The following SLC19A3 variants were observed in gnomAD, a reference collection of about 807,000 sequenced individuals.
SLC19A3 encodes thiamine transporter 2.
A neutral mutation model predicts 40.2 loss-of-function variants in SLC19A3; 31 were observed. The ratio of observed to expected loss-of-function variants is 0.77; its 90% CI spans 0.58 to 1.04. The LOEUF (loss-of-function observed/expected upper bound fraction) is 1.04. Ranked by LOEUF, SLC19A3 falls within the 50% of genes least tolerant of loss-of-function variation. The pLI is 0.00. For synonymous variants in SLC19A3, 212 were observed against 227.5 expected (o/e 0.93, Z 0.61); for missense variants, 592 against 596.7 (o/e 0.99, Z 0.08).
chr2:227,715,928 G>A (rs1330397058), intron 1 of SLC19A3, among the ~76,000 whole-genome samples: 1 of 126,550 alleles, frequency 7.9e-6, no homozygotes, highest in African/African-American at 3.1e-5. Context: ...TCCAGCCTGG[G>A]CAACAAGAGC....
At chr2:227,701,393 G>A (rs1363185629) in intron 2 of SLC19A3, 3 of 179,750 alleles carry the variant, frequency 1.7e-5, no homozygotes, top group Admixed American at 5.8e-5. Flanking sequence ...AGGCCGAGGC[G>A]GGTGGATCTC....
Position 227,698,999 on chromosome 2 carries a change from CTGAG to C in SLC19A3, c.712_715del (p.Leu238AlafsTer6). Reference sequence around the variant, plus strand: ...GCCCTTATTCAGCTTCCCTGAAGTGCTGAGTATTTCTGATGTGGGTTTCTGCTCT... The same window carrying C: ...GCCCTTATTCAGCTTCCCTGAAGTGCTATTTCTGATGTGGGTTTCTGCTCT... On this transcript the variant is annotated frameshift_variant, in exon 3 of 6. Coordinates refer to ENST00000644224, the MANE Select transcript of SLC19A3 (RefSeq NM_025243.4). LOFTEE classifies it high-confidence loss of function. 1 of 1,614,250 alleles carries C rather than the reference CTGAG, an allele frequency of 6.2e-7. No individual in the cohort carries two copies. Among genetic ancestry groups the C allele is most frequent in the Non-Finnish European group, 8.5e-7 (1 of 1,180,046 alleles).
Position 227,685,657 on chromosome 2 carries a change from C to G in SLC19A3, c.*1740G>C, listed in dbSNP as rs12105323. On this transcript the variant is annotated 3_prime_UTR_variant, in exon 6 of 6. Transcript: ENST00000644224. ...CATACCCCTACCCTCAAATTAACCT[C>G]TCACTTCAGCCTCCCAAAATGCTGG... is the stretch of plus-strand genomic sequence containing the variant. 11,266 of 152,430 alleles carry G rather than the reference C, an allele frequency of 0.074. 1,185 individuals are homozygous for G. Among genetic ancestry groups the G allele is most frequent in the African/African-American group, 0.24 (9,857 of 41,492 alleles). The allele number at this position is 152,430 out of a possible 1,614,324, so 9.4% of individuals were successfully genotyped here. A position where few individuals can be genotyped will look rare whatever the true frequency, so the allele number is the denominator to read the frequency against.
chr2:227,707,939 G>T (rs867018778), intron 1 of SLC19A3, among the ~76,000 whole-genome samples: 1 of 152,180 alleles, frequency 6.6e-6, no homozygotes, highest in Non-Finnish European at 1.5e-5. Flanking sequence ...ATGTTGGCCA[G>T]GCTGGTGTTG....
rs1695548707 is a variant in SLC19A3 at position 227,698,824 on chromosome 2, G to C, written c.891C>G (p.Asn297Lys). Residue 297 changes from asparagine (N) to lysine (K), a missense_variant, in exon 3 of 6, where the codon AAC becomes AAG. By Grantham distance (94) the Asn-to-Lys change is moderately conservative. Coordinates refer to ENST00000644224, the MANE Select transcript of SLC19A3 (RefSeq NM_025243.4). ...FATAGFNQVLNYVQILWDYKA... is the reference protein window; with the variant it reads ...FATAGFNQVLKYVQILWDYKA... ...TGTAATCCCACAGGATTTGAACATAGTTCAAAACCTGGTTAAAACCTGCTG... is the reference window on the plus strand; with the variant it reads ...TGTAATCCCACAGGATTTGAACATACTTCAAAACCTGGTTAAAACCTGCTG... The C allele has an allele frequency of 1.2e-6, 2 of 1,614,094 alleles. No homozygotes were observed. Among genetic ancestry groups the C allele is most frequent in the Non-Finnish European group, 1.7e-6 (2 of 1,180,054 alleles).
intron 1 of SLC19A3, among the ~76,000 whole-genome samples, chr2:227,708,630 A>C (rs1251238044): frequency 1.3e-5 from 2 of 152,174 alleles, no homozygotes; most frequent in Admixed American, 1.3e-4. Flanking sequence ...AACTGGCTGC[A>C]GGCTAACCTT....
chr2:227,708,849 T>G (rs1468148764), intron 1 of SLC19A3, among the ~76,000 whole-genome samples: 1 of 152,140 alleles, frequency 6.6e-6, no homozygotes, highest in African/African-American at 2.4e-5. Context: ...TCATTTGGAG[T>G]GAGTTACAAA....
At chr2:227,716,870 TATAAG>T (rs1430155132) in intron 1 of SLC19A3, among the ~76,000 whole-genome samples, 3 of 152,118 alleles carry the variant, frequency 2.0e-5, no homozygotes, top group Non-Finnish European at 2.9e-5. Context: ...AGGATAATCT[TATAAG>T]ATATTTGGGA....
intron 4 of SLC19A3, among the ~76,000 whole-genome samples, chr2:227,693,120 A>AT (rs1362237150): frequency 6.6e-6 from 1 of 152,178 alleles, no homozygotes; most frequent in East Asian, 1.9e-4. Flanking sequence ...TGCCCATACT[A>AT]TCCAAAGCAA....
chr2:227,709,999 A>G (rs1456828114), intron 1 of SLC19A3, among the ~76,000 whole-genome samples: 1 of 152,140 alleles, frequency 6.6e-6, no homozygotes, highest in Non-Finnish European at 1.5e-5. Context: ...ATCAGGCATT[A>G]GATTCTCACA....
Position 227,710,554 on chromosome 2 carries a change from G to A in SLC19A3, c.-3+7389C>T, listed in dbSNP as rs77366640. Among the ~76,000 whole-genome samples the A allele has an allele frequency of 1.8e-3, 274 of 152,048 alleles. 1 individual carries two copies. The highest frequency in any genetic ancestry group is 6.1e-3 in the African/African-American group (254 of 41,492). ...GTACTAAAAATATAAAAATTAGCCA[G>A]TTCAAGACCCGCCTGGGCAACATAG... On this transcript the variant is annotated intron_variant, in intron 1 of 5. Transcript: ENST00000644224.
intron 1 of SLC19A3, chr2:227,706,535 C>T: frequency 9.0e-7 from 1 of 1,110,016 alleles, no homozygotes; most frequent in South Asian, 4.7e-5. Context: ...CTTTGGGAGG[C>T]TGAGGCAGGT....
rs548028033 is a variant in SLC19A3, at chr2:227,689,524, G to A, written c.1173-1217C>T. Reference sequence around the variant, plus strand: ...TATATCCAGTGAAAATATCAAACCCGAAGGAGAAATAAAGACCATCCCAGA... The same window carrying A: ...TATATCCAGTGAAAATATCAAACCCAAAGGAGAAATAAAGACCATCCCAGA... On this transcript the variant is annotated intron_variant, in intron 4 of 5. Transcript: ENST00000644224. 1.6e-3 allele frequency among the ~76,000 whole-genome samples: 248 copies of A among 152,210 alleles called. 1 individual carries two copies. The highest frequency in any genetic ancestry group is 6.8e-3 in the Middle Eastern group (2 of 294).
chr2:227,689,999 A>G (rs1369443206), intron 4 of SLC19A3, among the ~76,000 whole-genome samples: 2 of 152,220 alleles, frequency 1.3e-5, no homozygotes, highest in East Asian at 1.9e-4. Context: ...ATTGAAAAAC[A>G]TGCAATGGAT....
chr2:227,687,585 C>T lies in SLC19A3; in HGVS notation c.1315-12G>A. On this transcript the variant is annotated splice_polypyrimidine_tract_variant and intron_variant, in intron 5 of 5. Coordinates refer to ENST00000644224, the MANE Select transcript of SLC19A3 (RefSeq NM_025243.4). ...CCATAAACTAAAAACTGGAGAAAAA[C>T]AAATAATTAGCCACATATAAAATAT... The T allele has an allele frequency of 6.2e-7, 1 of 1,612,398 alleles. No homozygotes were observed. The highest frequency in any genetic ancestry group is 8.5e-7 in the Non-Finnish European group (1 of 1,179,020).
chr2:227,700,692 T>C (rs1695651869), intron 2 of SLC19A3, among the ~76,000 whole-genome samples: 7 of 152,046 alleles, frequency 4.6e-5, no homozygotes, highest in African/African-American at 1.7e-4. Flanking sequence ...AAATAATGTA[T>C]CTCATTTTCC....
chr2:227,699,344 T>C lies in SLC19A3; in HGVS notation c.371A>G (p.Tyr124Cys), dbSNP rs1362579294. The change falls in exon 3 of 6, where the codon TAC becomes TGC. Residue 124 changes from tyrosine to cysteine, a missense_variant. Transcript: ENST00000644224. ...GCTGACCACGCTGTATATGTAGGCG[T>C]AGTAGGCCACCTCGGCGGCGGTGAC... is the stretch of plus-strand genomic sequence containing the variant. ...GMVTAAEVAY[Y>C]AYIYSVVSPE... The C allele has an allele frequency of 2.5e-6, 4 of 1,614,162 alleles. No individual in the cohort carries two copies. Among genetic ancestry groups the C allele is most frequent in the Non-Finnish European group, 3.4e-6 (4 of 1,180,036 alleles).
chr2:227,701,879 G>A (rs1695709110), intron 2 of SLC19A3: 2 of 353,812 alleles, frequency 5.7e-6, no homozygotes, highest in Non-Finnish European at 1.1e-5. Context: ...TTTAGGATTA[G>A]TATAATAGAA....
intron 4 of SLC19A3, among the ~76,000 whole-genome samples, chr2:227,694,904 T>G (rs1478319273): frequency 6.6e-6 from 1 of 151,608 alleles, no homozygotes; most frequent in Non-Finnish European, 1.5e-5. Flanking sequence ...AAATGAAAAT[T>G]AAAAATTTAG....
Sources: allele counts gnomAD v4.1 joint callset (sites outside exome capture counted in the v4.1 genomes callset), GRCh38; gene constraint gnomAD v4.1.1; transcripts MANE v1.5; gene names NCBI Gene and HGNC (gene_info 2026-07-23, HGNC 2026-07-21).